Variants in IL1RL2 observed in about 807,000 individuals in gnomAD.
IL1RL2 encodes interleukin 1 receptor like 2.
A neutral mutation model predicts 66.8 loss-of-function variants in IL1RL2; 68 were observed. The observed-to-expected ratio is 1.02, with a 90% CI of 0.84 to 1.25. The LOEUF (loss-of-function observed/expected upper bound fraction) is 1.25, where lower values mean the gene tolerates loss of function less well. Among genes scored for constraint, IL1RL2 ranks in the 50% most tolerant of loss-of-function variants. IL1RL2 has a pLI of 0.00. For synonymous variants in IL1RL2, 305 were observed against 264.6 expected, an observed-to-expected ratio of 1.15 and a Z score of -1.48; for missense variants, 729 against 709.3, an observed-to-expected ratio of 1.03 and a Z score of -0.32.
chr2:102,226,325 C>T (rs1690608963), intron 9 of IL1RL2, among the ~76,000 whole-genome samples: 1 of 152,170 alleles, frequency 6.6e-6, no homozygotes, highest in Non-Finnish European at 1.5e-5. Flanking sequence ...CAAAAGTTTC[C>T]ACGTCCATCC....
chr2:102,192,055 G>T lies in IL1RL2; in HGVS notation c.424G>T (p.Asp142Tyr). ...YKQILHLGKDDSLTCHLHFPK... is the reference protein window; with the variant it reads ...YKQILHLGKDYSLTCHLHFPK... ...GCAAATATTACATCTTGGAAAAGAT[G>T]ATAGTCTCACATGTCATCTGCACTT... Residue 142 changes from aspartate (D) to tyrosine (Y), a missense_variant, in exon 4 of 12, where the codon GAT becomes TAT. Physicochemically the swap from Asp to Tyr is radical, Grantham distance 160 (BLOSUM62 -3). Coordinates refer to ENST00000264257, the MANE Select transcript of IL1RL2 (RefSeq NM_003854.4). 1 of 1,612,824 alleles carries T rather than the reference G, an allele frequency of 6.2e-7. No individual in the cohort carries two copies. Among genetic ancestry groups the T allele is most frequent in the Non-Finnish European group, 8.5e-7 (1 of 1,179,544 alleles).
At chr2:102,229,614 A>G (rs1328903243) in intron 9 of IL1RL2, among the ~76,000 whole-genome samples, 2 of 152,202 alleles carry the variant, frequency 1.3e-5, no homozygotes, top group African/African-American at 4.8e-5. Flanking sequence ...GCTCTTCAAA[A>G]CCAGTGGACT....
chr2:102,210,182 T>C (rs951553460), intron 5 of IL1RL2, among the ~76,000 whole-genome samples: 45 of 152,030 alleles, frequency 3.0e-4, no homozygotes, highest in Admixed American at 3.9e-4. Flanking sequence ...GAGATTTTTT[T>C]CCAGACTGAG....
chr2:102,188,329 A>C lies in IL1RL2; in HGVS notation c.58+404A>C, dbSNP rs142840935. Among the ~76,000 whole-genome samples, 1,143 of 152,318 alleles carry C rather than the reference A, an allele frequency of 7.5e-3. 15 individuals carry two copies. The highest frequency in any genetic ancestry group is 0.027 in the African/African-American group (1,104 of 41,574). ...GCCGGGCGCAGTGGCTCATGCCTGT[A>C]ATCCCAGTACTTTGGGAGGCCAAGG... On this transcript the variant is annotated intron_variant, in intron 2 of 11. Coordinates refer to ENST00000264257, the MANE Select transcript of IL1RL2 (RefSeq NM_003854.4).
At chr2:102,223,058 C>T (rs1004440094) in intron 8 of IL1RL2, among the ~76,000 whole-genome samples, 2 of 152,174 alleles carry the variant, frequency 1.3e-5, no homozygotes, top group African/African-American at 4.8e-5. Context: ...TTAGTTAACA[C>T]CTGTCAAGCT....
At chr2:102,195,439 G>C (rs1455675334) in intron 4 of IL1RL2, among the ~76,000 whole-genome samples, 8 of 151,726 alleles carry the variant, frequency 5.3e-5, no homozygotes, top group African/African-American at 1.7e-4. Flanking sequence ...TTTCTCTGTG[G>C]ACTTATAGTT....
At chr2:102,223,824 A>G (rs1055770554) in intron 8 of IL1RL2, among the ~76,000 whole-genome samples, 4 of 152,154 alleles carry the variant, frequency 2.6e-5, no homozygotes, top group African/African-American at 9.7e-5. Context: ...TACCCCTAGA[A>G]AGAATTATAA....
At chr2:102,199,514 G>A (rs573037575) in intron 4 of IL1RL2, among the ~76,000 whole-genome samples, 42 of 152,268 alleles carry the variant, frequency 2.8e-4, no homozygotes, top group African/African-American at 9.4e-4. Context: ...AAAAGTGGAC[G>A]CTATTGTTCT....
At chr2:102,216,494 T>C (rs921693448) in intron 6 of IL1RL2, among the ~76,000 whole-genome samples, 3 of 152,180 alleles carry the variant, frequency 2.0e-5, no homozygotes, top group African/African-American at 7.2e-5. Context: ...AGGCAGCATA[T>C]AGTTGGTTCT....
intron 9 of IL1RL2, among the ~76,000 whole-genome samples, chr2:102,227,540 A>G (rs139470472): frequency 6.6e-6 from 1 of 152,230 alleles, no homozygotes; most frequent in East Asian, 1.9e-4. Context: ...AAGTGCTGCT[A>G]GTACTGTGGA....
intron 11 of IL1RL2, among the ~76,000 whole-genome samples, chr2:102,236,541 CTCTT>C (rs773815720): frequency 4.6e-5 from 7 of 152,242 alleles, no homozygotes; most frequent in Non-Finnish European, 8.8e-5. Context: ...CATTGGTCCA[CTCTT>C]TATTTAACAT....
chr2:102,238,305 A>G (rs13014084), intron 11 of IL1RL2, among the ~76,000 whole-genome samples: 11,338 of 152,172 alleles, frequency 0.075, 532 homozygotes, highest in Middle Eastern at 0.16. Flanking sequence ...GAGTCGGCTC[A>G]TGAGAGAGGC....
intron 6 of IL1RL2, 40 bp downstream of exon 6, chr2:102,212,214 A>C: frequency 7.4e-7 from 1 of 1,357,288 alleles, no homozygotes; most frequent in Non-Finnish European, 1.1e-6. Context: ...CACCAGGGGA[A>C]GAGCTCATTA....
chr2:102,234,997 A>G lies in IL1RL2; in HGVS notation c.1398A>G (p.Ser466=). Reference sequence around the variant, plus strand: ...GCTTTGGCCTGTTGAAGAACCTGTCAGAAGAACAAATCGCGGTCTACAGTG... The same window carrying G: ...GCTTTGGCCTGTTGAAGAACCTGTCGGAAGAACAAATCGCGGTCTACAGTG... ...SLGFGLLKNL[S]EEQIAVYSAL... Residue 466 remains serine, a synonymous_variant, in exon 11 of 12, where the codon TCA becomes TCG. Transcript: ENST00000264257. 1 of 1,613,878 alleles carries G rather than the reference A, an allele frequency of 6.2e-7. No homozygotes were observed. The highest frequency in any genetic ancestry group is 8.5e-7 in the Non-Finnish European group (1 of 1,179,758).
intron 4 of IL1RL2, among the ~76,000 whole-genome samples, chr2:102,199,325 T>A (rs1373600792): frequency 6.6e-6 from 1 of 152,202 alleles, no homozygotes; most frequent in Non-Finnish European, 1.5e-5. Context: ...CTGATGCTCG[T>A]CTCCTCTTCA....
At chr2:102,211,234 C>T (rs1442617478) in intron 5 of IL1RL2, among the ~76,000 whole-genome samples, 1 of 152,106 alleles carries the variant, frequency 6.6e-6, no homozygotes, top group Non-Finnish European at 1.5e-5. Flanking sequence ...TTCCATATCC[C>T]ACTCCAAATA....
chr2:102,221,967 G>A (rs576119061), intron 8 of IL1RL2, among the ~76,000 whole-genome samples: 2 of 151,716 alleles, frequency 1.3e-5, no homozygotes, highest in Admixed American at 1.3e-4. Flanking sequence ...CTACCACCTG[G>A]ATTAAGAAAA....
chr2:102,195,470 C>T (rs1422267709), intron 4 of IL1RL2, among the ~76,000 whole-genome samples: 1 of 152,054 alleles, frequency 6.6e-6, no homozygotes, highest in Non-Finnish European at 1.5e-5. Context: ...TTTCACGTTG[C>T]TTTGCATGCA....
intron 9 of IL1RL2, among the ~76,000 whole-genome samples, chr2:102,230,964 A>G (rs1247649952): frequency 6.6e-6 from 1 of 152,100 alleles, no homozygotes; most frequent in African/African-American, 2.4e-5. Context: ...TCTTAAAATC[A>G]CCTCTTTCTG....
Sources: allele counts gnomAD v4.1 joint callset (sites outside exome capture counted in the v4.1 genomes callset), GRCh38; gene constraint gnomAD v4.1.1; transcripts MANE v1.5; gene names NCBI Gene and HGNC (gene_info 2026-07-23, HGNC 2026-07-21).